The following SPATA6 variants were observed in gnomAD, a reference collection of about 807,000 sequenced individuals.
SPATA6 encodes spermatogenesis-associated protein 6.
Under a neutral mutation model 65.3 loss-of-function variants are expected in SPATA6, and 56 were observed. The observed-to-expected ratio is 0.86, with a 90% CI of 0.69 to 1.07. The LOEUF is 1.07. Among genes scored for constraint, SPATA6 ranks in the 50% least tolerant of loss-of-function variants. The pLI is 0.00. For missense variants in SPATA6, 590 were observed against 594.8 expected, an observed-to-expected ratio of 0.99 and a Z score of 0.08; for synonymous variants, 199 against 213.2, an observed-to-expected ratio of 0.93 and a Z score of 0.58.
the SPATA6 span, among the ~76,000 whole-genome samples, chr1:48,285,359 C>T: frequency 6.6e-6 from 1 of 151,814 alleles, no homozygotes; most frequent in African/African-American, 2.4e-5. Context: ...TCTTAGCTTG[C>T]TGGGCTATGT....
At chr1:48,373,595 A>G (rs1647547153) in intron 9 of SPATA6, among the ~76,000 whole-genome samples, 1 of 152,162 alleles carries the variant, frequency 6.6e-6, no homozygotes, top group East Asian at 1.9e-4. Context: ...TCTACTGGTA[A>G]CAATTTACTG....
At chr1:48,283,724 A>AGAAAGAAAG in the SPATA6 span, among the ~76,000 whole-genome samples, 2 of 148,882 alleles carry the variant, frequency 1.3e-5, no homozygotes, top group Non-Finnish European at 3.0e-5. Flanking sequence ...AAAGAAAGAA[A>AGAAAGAAAG]ATTCTTTTCT....
intron 3 of SPATA6, chr1:48,436,472 T>A (rs1409116674): frequency 6.2e-7 from 1 of 1,607,526 alleles, no homozygotes; most frequent in Non-Finnish European, 8.5e-7. Context: ...TTTGGAGCTG[T>A]GAGAGGGTTG....
chr1:48,445,516 C>T (rs1277924614), intron 3 of SPATA6, among the ~76,000 whole-genome samples: 2 of 151,598 alleles, frequency 1.3e-5, no homozygotes, highest in Admixed American at 6.6e-5. Flanking sequence ...AAAAATTAGC[C>T]GGGCGTGGTG....
At chr1:48,350,871 A>G (rs1483220378) in intron 11 of SPATA6, among the ~76,000 whole-genome samples, 1 of 151,906 alleles carries the variant, frequency 6.6e-6, no homozygotes, top group Non-Finnish European at 1.5e-5. Flanking sequence ...CCTTTCATAC[A>G]CATTGTTGAA....
At chr1:48,267,496 G>A in the SPATA6 span, among the ~76,000 whole-genome samples, 22 of 152,124 alleles carry the variant, frequency 1.4e-4, no homozygotes, top group Non-Finnish European at 4.4e-5. Context: ...CTCAGCAGAT[G>A]GATGGGGAGC....
chr1:48,289,292 T>C, the SPATA6 span, among the ~76,000 whole-genome samples: 1 of 152,244 alleles, frequency 6.6e-6, no homozygotes, highest in Non-Finnish European at 1.5e-5. Flanking sequence ...TCCTGACTGT[T>C]TGAAGGAAAA....
chr1:48,304,597 G>T (rs144150947), intron 12 of SPATA6, among the ~76,000 whole-genome samples: 159 of 152,220 alleles, frequency 1.0e-3, no homozygotes, highest in African/African-American at 3.7e-3. Context: ...TCCGATGGGG[G>T]CCTCCCAAAG....
chr1:48,339,109 T>C (rs1646137185), intron 11 of SPATA6, among the ~76,000 whole-genome samples: 1 of 151,764 alleles, frequency 6.6e-6, no homozygotes, highest in Non-Finnish European at 1.5e-5. Context: ...GCCTAAAACC[T>C]TTGTTAACAG....
intron 11 of SPATA6, chr1:48,325,196 G>A (rs1168450741): frequency 1.3e-5 from 9 of 690,716 alleles, no homozygotes; most frequent in East Asian, 2.5e-5. Flanking sequence ...TGCAGGGTTC[G>A]TGTTCACTGC....
intron 10 of SPATA6, among the ~76,000 whole-genome samples, chr1:48,359,336 A>G (rs1646744085): frequency 6.6e-6 from 1 of 152,222 alleles, no homozygotes; most frequent in Non-Finnish European, 1.5e-5. Context: ...TTCACTTTTA[A>G]GAACTATAAT....
chr1:48,345,588 G>A (rs1646341380), intron 11 of SPATA6, among the ~76,000 whole-genome samples: 1 of 151,914 alleles, frequency 6.6e-6, no homozygotes, highest in Non-Finnish European at 1.5e-5. Flanking sequence ...AAAATAAATA[G>A]AGTGCTAGCT....
intron 12 of SPATA6, among the ~76,000 whole-genome samples, chr1:48,302,110 T>C (rs1455483090): frequency 6.6e-6 from 1 of 152,208 alleles, no homozygotes; most frequent in Non-Finnish European, 1.5e-5. Flanking sequence ...CTGGATTCTT[T>C]CCGATTCTTT....
At chr1:48,445,013 G>C (rs1025440312) in intron 3 of SPATA6, among the ~76,000 whole-genome samples, 3 of 152,096 alleles carry the variant, frequency 2.0e-5, no homozygotes, top group Non-Finnish European at 2.9e-5. Flanking sequence ...TTGATTTTAG[G>C]CAGACAGATA....
At chr1:48,312,046 G>A (rs929923947) in intron 11 of SPATA6, among the ~76,000 whole-genome samples, 1 of 152,186 alleles carries the variant, frequency 6.6e-6, no homozygotes, top group South Asian at 2.1e-4. Flanking sequence ...CCAGGCTTGA[G>A]TAGGTAAACA....
chr1:48,358,606 C>T (rs1347501362), intron 10 of SPATA6, among the ~76,000 whole-genome samples: 2 of 152,064 alleles, frequency 1.3e-5, no homozygotes, highest in African/African-American at 4.8e-5. Flanking sequence ...TCCCCTGATA[C>T]TGAGATGCAA....
At chr1:48,357,463 G>A (rs1284066104) in intron 10 of SPATA6, among the ~76,000 whole-genome samples, 1 of 152,018 alleles carries the variant, frequency 6.6e-6, no homozygotes, top group Non-Finnish European at 1.5e-5. Flanking sequence ...CATGATTAAG[G>A]AGTCAGCATT....
chr1:48,455,530 GCCA>G (rs1169596305), intron 1 of SPATA6, among the ~76,000 whole-genome samples: 1 of 151,772 alleles, frequency 6.6e-6, no homozygotes, highest in Admixed American at 6.6e-5. Context: ...ACAGGCACCC[GCCA>G]CCACACCAGG....
rs887067913 is a variant in SPATA6 at position 48,297,566 on chromosome 1, AAC to A, written c.*1145_*1146del. ...AATCATAACTGTAAAATTAATCAAAAACAGAGTCAATGAGAAAATATTATCTT... is the reference window on the plus strand; with the variant it reads ...AATCATAACTGTAAAATTAATCAAAAAGAGTCAATGAGAAAATATTATCTT... On this transcript the variant is annotated 3_prime_UTR_variant, in exon 13 of 13. Coordinates refer to ENST00000371847, the MANE Select transcript of SPATA6 (RefSeq NM_019073.4). 1.3e-5 allele frequency: 2 copies of A among 152,202 alleles called. No individual in the cohort carries two copies. Among genetic ancestry groups the A allele is most frequent in the African/African-American group, 4.8e-5 (2 of 41,464 alleles). 9.4% of individuals were successfully genotyped at this position (152,202 alleles called of 1,614,324 possible).
Sources: allele counts gnomAD v4.1 joint callset (sites outside exome capture counted in the v4.1 genomes callset), GRCh38; gene constraint gnomAD v4.1.1; transcripts MANE v1.5; gene names NCBI Gene and HGNC (gene_info 2026-07-23, HGNC 2026-07-21).